CALCOCO1: variants seen among roughly 807,000 people sequenced by gnomAD.
The protein encoded by CALCOCO1 is calcium binding and coiled-coil domain 1.
A neutral mutation model predicts 86.3 loss-of-function variants in CALCOCO1; 44 were observed. The ratio of observed to expected loss-of-function variants is 0.51; its 90% confidence interval spans 0.40 to 0.66. The LOEUF (loss-of-function observed/expected upper bound fraction) is 0.66. Ranked by LOEUF, CALCOCO1 falls within the 30% of genes least tolerant of loss-of-function variation. The pLI is 0.00. For missense variants in CALCOCO1, 708 were observed against 851.1 expected, an observed-to-expected ratio of 0.83 and a Z score of 2.09; for synonymous variants, 297 against 327.6, an observed-to-expected ratio of 0.91 and a Z score of 1.01.
intron 6 of CALCOCO1, among the ~76,000 whole-genome samples, chr12:53,720,919 T>C (rs1435141536): frequency 1.3e-5 from 2 of 152,184 alleles, no homozygotes; most frequent in South Asian, 2.1e-4. Flanking sequence ...TTTGGCTCAA[T>C]ACAAGAGATA....
intron 1 of CALCOCO1, among the ~76,000 whole-genome samples, chr12:53,727,024 T>TC (rs1946052344): frequency 6.6e-6 from 1 of 151,880 alleles, no homozygotes; most frequent in African/African-American, 2.4e-5. Flanking sequence ...CCTTGGAAGG[T>TC]CCCCCTTCCT....
Position 53,723,828 on chromosome 12 carries a change from C to G in CALCOCO1, c.260-45G>C, listed in dbSNP as rs144870175. 744 of 1,566,786 alleles carry G rather than the reference C, an allele frequency of 4.7e-4. 4 individuals are homozygous for G. In the African/African-American group the frequency reaches 6.4e-3, roughly 13 times the overall value. On this transcript the variant is annotated intron_variant, in intron 3 of 14. Transcript: ENST00000550804. ...CCCAGGACCCCAATAATCCACTGTC[C>G]TTGGCCCCAGCCCCTTGCTCGGTGT... is the stretch of plus-strand genomic sequence containing the variant.
At position 53,715,472 on chromosome 12, in the gene CALCOCO1, A is replaced by G. The variant is rs1272410459; in HGVS notation, c.1261-147T>C. On this transcript the variant is annotated intron_variant, in intron 9 of 14. Coordinates refer to ENST00000550804, the MANE Select transcript of CALCOCO1 (RefSeq NM_020898.3). ...TTTCCCCTTTTTGCCTTCATTTCCT[A>G]TACCCTCTGAATGAAGGACAGGACA... 1.2e-5 allele frequency: 13 copies of G among 1,104,222 alleles called. No homozygotes were observed. In the East Asian group the frequency reaches 3.0e-4, roughly 25 times the overall value. 68.4% of individuals were successfully genotyped at this position (1,104,222 alleles called of 1,614,324 possible).
rs754507294 is a variant in CALCOCO1, at chr12:53,714,066, T to C, written c.1591+67A>G. ...AAAGGCAGCTCCCAGCAAGGTTACA[T>C]GGAGCCTTCCTCAACAGCGGGAGGT... On this transcript the variant is annotated intron_variant, in intron 12 of 14. Coordinates refer to ENST00000550804, the MANE Select transcript of CALCOCO1 (RefSeq NM_020898.3). 9.9e-6 allele frequency: 14 copies of C among 1,415,310 alleles called. No individual in the cohort carries two copies. In the East Asian group the frequency reaches 1.1e-4, roughly 12 times the overall value. 87.7% of individuals were successfully genotyped at this position (1,415,310 alleles called of 1,614,324 possible). A position where few individuals can be genotyped will look rare whatever the true frequency, so the allele number is the denominator to read the frequency against.
intron 6 of CALCOCO1, among the ~76,000 whole-genome samples, chr12:53,720,358 C>A (rs1945835238): frequency 6.6e-6 from 1 of 152,190 alleles, no homozygotes; most frequent in Non-Finnish European, 1.5e-5. Flanking sequence ...GAAGTTCATA[C>A]AACTTTCACA....
rs1241923265 is a variant in CALCOCO1 at position 53,712,082 on chromosome 12, C to T, written c.1938G>A (p.Gly646=). 2 of 1,609,958 alleles carry T rather than the reference C, an allele frequency of 1.2e-6. No homozygotes were observed. Among genetic ancestry groups the T allele is most frequent in the East Asian group, 2.2e-5 (1 of 44,754 alleles). The stretch of plus-strand genomic sequence containing the variant: ...CCTTCCATGTGGGGGTGGCAGGGCC[C>T]CCAGTGCTGGTTTCTGACAGGGTAC... ...TVGTLSETST[G]GPATPTWKEC... The change falls in exon 15 of 15, where the codon GGG becomes GGA. Residue 646 remains glycine, a synonymous_variant. Transcript: ENST00000550804.
Position 53,713,734 on chromosome 12 carries a change from G to A in CALCOCO1, c.1758C>T (p.Leu586=), listed in dbSNP as rs1945644221. The A allele has an allele frequency of 6.3e-7, 1 of 1,599,704 alleles. No individual in the cohort carries two copies. The highest frequency in any genetic ancestry group is 8.5e-7 in the Non-Finnish European group (1 of 1,173,092). ...AGCTACTGTCCTCAGCTGGCCCAGA[G>A]AGGTGAGGAGAAATGGGAGCCGGCT... ...ISQPAPISPH[L]SGPAEDSSSD... is the part of the protein sequence containing the mutation. The change falls in exon 13 of 15, where the codon CTC becomes CTT. Residue 586 remains leucine (L), a synonymous_variant. Coordinates refer to ENST00000550804, the MANE Select transcript of CALCOCO1 (RefSeq NM_020898.3).
At position 53,711,492 on chromosome 12, in the gene CALCOCO1, A is replaced by G; in HGVS notation, c.*452T>C. 1 of 349,506 alleles carries G rather than the reference A, an allele frequency of 2.9e-6. No individual in the cohort carries two copies. Among genetic ancestry groups the G allele is most frequent in the Non-Finnish European group, 5.1e-6 (1 of 196,016 alleles). The allele number at this position is 349,506 out of a possible 1,614,324, so 21.7% of individuals were successfully genotyped here. ...TGTCCATGCTGCTGCCTCTGTGCAG[A>G]CCCCAGAGAAAACTCAGGTAAACCA... On this transcript the variant is annotated 3_prime_UTR_variant, in exon 15 of 15. Coordinates refer to ENST00000550804, the MANE Select transcript of CALCOCO1 (RefSeq NM_020898.3).
At chr12:53,721,112 A>T (rs928319221) in intron 6 of CALCOCO1, among the ~76,000 whole-genome samples, 3 of 152,216 alleles carry the variant, frequency 2.0e-5, no homozygotes, top group African/African-American at 7.2e-5. Flanking sequence ...GTAAGAACAC[A>T]GTCTAATCTT....
At position 53,723,604 on chromosome 12, in the gene CALCOCO1, T is replaced by C. The variant is rs979179752; in HGVS notation, c.439A>G (p.Thr147Ala). ...SDILLVVPKA[T>A]VLQNQLDESQ... ...TGCTCTTTTCTCACCTGTAACACAGTTGCCTTGGGGACAACCAGCAGGATG... is the reference window on the plus strand; with the variant it reads ...TGCTCTTTTCTCACCTGTAACACAGCTGCCTTGGGGACAACCAGCAGGATG... Residue 147 changes from threonine (T) to alanine (A), a missense_variant, in exon 4 of 15, where the codon ACT becomes GCT. Physicochemically the swap from Thr to Ala is moderately conservative, Grantham distance 58. Transcript: ENST00000550804. 11 of 1,614,086 alleles carry C rather than the reference T, an allele frequency of 6.8e-6. No homozygotes were observed. The highest frequency in any genetic ancestry group is 8.5e-6 in the Non-Finnish European group (10 of 1,180,050).
intron 7 of CALCOCO1, among the ~76,000 whole-genome samples, chr12:53,719,087 C>T (rs984384407): frequency 1.4e-4 from 21 of 151,472 alleles, no homozygotes; most frequent in African/African-American, 1.7e-4. Flanking sequence ...TCAGGGGATC[C>T]GCCTGCCTCT....
At chr12:53,722,285 A>G in intron 4 of CALCOCO1, 102 bp from the exon 5 acceptor site, 2 of 1,367,666 alleles carry the variant, frequency 1.5e-6, no homozygotes, top group Non-Finnish European at 2.0e-6. Flanking sequence ...GGGAAGTTAC[A>G]TAGCTTTGGG....
In CALCOCO1 at chr12:53,721,075, G is replaced by C. The variant is rs1565647820; in HGVS notation, c.758+392C>G. Among the ~76,000 whole-genome samples the C allele has an allele frequency of 3.3e-5, 5 of 152,226 alleles. No individual in the cohort carries two copies. The East Asian group carries it at 7.7e-4, about 23-fold the overall frequency. On this transcript the variant is annotated intron_variant, in intron 6 of 14. Coordinates refer to ENST00000550804, the MANE Select transcript of CALCOCO1 (RefSeq NM_020898.3). The stretch of plus-strand genomic sequence containing the variant: ...GGGCAGAGATTCCATAACATTCCTG[G>C]ATCACCAGTTATAATGTTTCTTAAT...
At chr12:53,720,689 AT>A (rs955458701) in intron 6 of CALCOCO1, among the ~76,000 whole-genome samples, 4 of 152,262 alleles carry the variant, frequency 2.6e-5, no homozygotes, top group Admixed American at 2.6e-4. Context: ...TTTTTAAAAT[AT>A]CACACCTACC....
intron 14 of CALCOCO1, chr12:53,712,757 A>G: frequency 7.8e-7 from 1 of 1,285,074 alleles, no homozygotes; most frequent in Non-Finnish European, 1.0e-6. Context: ...TCCTCCCCGG[A>G]GGACCCTAGG....
At position 53,716,370 on chromosome 12, in the gene CALCOCO1, C is replaced by T; in HGVS notation, c.895G>A (p.Asp299Asn). 6.2e-7 allele frequency: 1 copy of T among 1,614,140 alleles called. No homozygotes were observed. ...AQQENHHLNL[D>N]LKEAKSWQEE... ...TGCCAGCTCTTCGCCTCCTTCAGGT[C>T]CAAATTTAAGTGATGGTTCTCCTGT... The change falls in exon 8 of 15, where the codon GAC becomes AAC. Residue 299 changes from aspartate to asparagine, a missense_variant. By Grantham distance (23) the Asp-to-Asn change is conservative. Coordinates refer to ENST00000550804, the MANE Select transcript of CALCOCO1 (RefSeq NM_020898.3).
rs34229062 is a variant in CALCOCO1, at chr12:53,713,810, C to A, written c.1682G>T (p.Gly561Val). 9.7e-3 allele frequency: 15,272 copies of A among 1,579,786 alleles called. 94 individuals carry two copies. The highest frequency in any genetic ancestry group is 0.011 in the Non-Finnish European group (12,972 of 1,165,482). ...PYGLCERGDP[G>V]SSPAGPREAS... ...CTCTCGAGGCCCAGCAGGAGAGGAG[C>A]CTGGGTCTCCACGCTCACAAAGGCC... The change falls in exon 13 of 15, where the codon GGC becomes GTC. Residue 561 changes from glycine (G) to valine (V), a missense_variant. By Grantham distance (109) the Gly-to-Val change is moderately radical (BLOSUM62 -3). Transcript: ENST00000550804.
In CALCOCO1 at chr12:53,716,029, T is replaced by G. The variant is rs1945716303; in HGVS notation, c.1024A>C (p.Lys342Gln). The change falls in exon 9 of 15, where the codon AAG becomes CAG. Residue 342 changes from lysine (K) to glutamine (Q), a missense_variant. Transcript: ENST00000550804. ...QQRVAELEPL[K>Q]EQLRGAQELA... ...TCCTGGGCCCCTCGAAGCTGCTCCT[T>G]CAAGGGCTCCAGCTCGGCCTCAGGA... The G allele has an allele frequency of 6.2e-7, 1 of 1,612,994 alleles. No homozygotes were observed. Among genetic ancestry groups the G allele is most frequent in the Non-Finnish European group, 8.5e-7 (1 of 1,180,010 alleles).
In CALCOCO1 at chr12:53,724,749, T is replaced by C; in HGVS notation, c.157-2A>G. ...ATCCCGAACACAGGCAGCCTCCACCTGTGAAAGCCCAAGGTTGGAGAAAGG... is the reference window on the plus strand; with the variant it reads ...ATCCCGAACACAGGCAGCCTCCACCCGTGAAAGCCCAAGGTTGGAGAAAGG... On this transcript the variant is annotated splice_acceptor_variant, in intron 2 of 14. Transcript: ENST00000550804. LOFTEE classifies it high-confidence loss of function. The C allele has an allele frequency of 6.2e-7, 1 of 1,609,548 alleles. No homozygotes were observed. Among genetic ancestry groups the C allele is most frequent in the Non-Finnish European group, 8.5e-7 (1 of 1,177,398 alleles).
Sources: allele counts gnomAD v4.1 joint callset (sites outside exome capture counted in the v4.1 genomes callset), GRCh38; gene constraint gnomAD v4.1.1; transcripts MANE v1.5; gene names NCBI Gene and HGNC (gene_info 2026-07-23, HGNC 2026-07-21).